The following ERC2 variants were observed in gnomAD, a reference collection of about 807,000 sequenced individuals.
The protein encoded by ERC2 is ERC protein 2.
In ERC2, 42 loss-of-function variants were observed where a neutral mutation model predicts 114.8. That is an observed-to-expected ratio of 0.37 (90% CI 0.29 to 0.47). The LOEUF (loss-of-function observed/expected upper bound fraction) is 0.47, where lower values mean the gene tolerates loss of function less well. Ranked by LOEUF, ERC2 falls within the 20% of genes least tolerant of loss-of-function variation. The pLI, the probability that ERC2 is intolerant of heterozygous loss-of-function variation, is 0.99. For missense variants in ERC2, 939 were observed against 1,150.7 expected (o/e 0.82, Z 2.66); for synonymous variants, 454 against 425.5 (o/e 1.07, Z -0.82).
intron 6 of ERC2, among the ~76,000 whole-genome samples, chr3:56,095,355 G>A (rs2078007969): frequency 1.3e-5 from 2 of 152,100 alleles, no homozygotes; most frequent in South Asian, 4.1e-4. Context: ...ACACCATAAA[G>A]TAAAAGACAG....
At chr3:55,566,364 A>G (rs1396273811) in intron 17 of ERC2, among the ~76,000 whole-genome samples, 1 of 152,210 alleles carries the variant, frequency 6.6e-6, no homozygotes, top group Non-Finnish European at 1.5e-5. Flanking sequence ...CCTGGTGCAA[A>G]GTAATTATTC....
intron 4 of ERC2, among the ~76,000 whole-genome samples, chr3:56,170,346 T>C (rs1387074212): frequency 1.3e-5 from 2 of 152,120 alleles, no homozygotes; most frequent in Non-Finnish European, 1.5e-5. Context: ...GAAAAACATA[T>C]TTTCACAACT....
intron 6 of ERC2, among the ~76,000 whole-genome samples, chr3:56,119,377 G>A (rs916516790): frequency 2.6e-5 from 4 of 152,122 alleles, no homozygotes; most frequent in African/African-American, 9.7e-5. Context: ...TATTTAATCT[G>A]GCTAAGTCAT....
At chr3:55,555,304 C>T (rs1450811916) in intron 17 of ERC2, among the ~76,000 whole-genome samples, 1 of 152,124 alleles carries the variant, frequency 6.6e-6, no homozygotes, top group East Asian at 1.9e-4. Context: ...GGTGGAGAAA[C>T]CCTATCGGCC....
rs181363918 is a variant in ERC2 at position 56,293,810 on chromosome 3, A to G, written c.1074+2209T>C. 8.5e-5 allele frequency among the ~76,000 whole-genome samples: 13 copies of G among 152,332 alleles called. No individual in the cohort carries two copies. The East Asian group carries it at 1.7e-3, about 20-fold the overall frequency. ...ACCAGACCATTGTGAGAACCAGCCA[A>G]TCTCAGAAAACCCAAGATGAATTGT... is the stretch of plus-strand genomic sequence containing the variant. On this transcript the variant is annotated intron_variant, in intron 3 of 17. Coordinates refer to ENST00000288221, the MANE Select transcript of ERC2 (RefSeq NM_015576.3).
intron 6 of ERC2, among the ~76,000 whole-genome samples, chr3:56,107,534 C>G (rs553454976): frequency 2.8e-4 from 43 of 152,120 alleles, no homozygotes; most frequent in Non-Finnish European, 3.1e-4. Context: ...ATGATGGGCT[C>G]TCAAAGACCC....
chr3:55,950,325 G>A, intron 13 of ERC2, 100 bp downstream of exon 13: 11 of 1,452,584 alleles, frequency 7.6e-6, no homozygotes, highest in Non-Finnish European at 1.0e-5. Context: ...CAAAGGCAAA[G>A]TCCACCATTT....
chr3:55,732,792 C>T (rs2065336347), intron 15 of ERC2, among the ~76,000 whole-genome samples: 1 of 152,220 alleles, frequency 6.6e-6, no homozygotes, highest in African/African-American at 2.4e-5. Flanking sequence ...TGGCCAAAGT[C>T]TGGAACCATT....
At chr3:56,212,900 C>A (rs2049168365) in intron 3 of ERC2, among the ~76,000 whole-genome samples, 1 of 152,076 alleles carries the variant, frequency 6.6e-6, no homozygotes, top group African/African-American at 2.4e-5. Flanking sequence ...GAACTGGAGA[C>A]CATTATTCTA....
chr3:56,022,844 C>A (rs1177365666), intron 7 of ERC2, among the ~76,000 whole-genome samples: 1 of 152,164 alleles, frequency 6.6e-6, no homozygotes, highest in African/African-American at 2.4e-5. Flanking sequence ...AAACCCTGCC[C>A]TTGCCTTTGA....
intron 3 of ERC2, among the ~76,000 whole-genome samples, chr3:56,274,681 T>C (rs1312337865): frequency 6.6e-6 from 1 of 152,206 alleles, no homozygotes; most frequent in East Asian, 1.9e-4. Context: ...TTATATATTA[T>C]TTAAATAAAT....
intron 14 of ERC2, among the ~76,000 whole-genome samples, chr3:55,854,386 TTTTGGTTTGGTTTGG>T (rs538567365): frequency 1.3e-5 from 2 of 152,088 alleles, no homozygotes; most frequent in African/African-American, 4.8e-5. Flanking sequence ...TTTGTTTTGG[TTTTGGTTTGGTTTGG>T]TTTGGTTTGG....
chr3:55,615,374 A>C (rs1032314838), intron 17 of ERC2, among the ~76,000 whole-genome samples: 1 of 152,256 alleles, frequency 6.6e-6, no homozygotes, highest in Admixed American at 6.5e-5. Flanking sequence ...TACAACTATT[A>C]GTAGATTCTT....
intron 2 of ERC2, among the ~76,000 whole-genome samples, chr3:56,312,878 A>G (rs2056659641): frequency 6.6e-6 from 1 of 150,794 alleles, no homozygotes; most frequent in Admixed American, 6.6e-5. Context: ...AAGGTTTTCC[A>G]TTTTATTAAT....
intron 15 of ERC2, among the ~76,000 whole-genome samples, chr3:55,722,173 C>T (rs1226931132): frequency 6.6e-6 from 1 of 151,996 alleles, no homozygotes; most frequent in East Asian, 1.9e-4. Flanking sequence ...CCAACGGGGT[C>T]ATGTCTCAGT....
intron 17 of ERC2, among the ~76,000 whole-genome samples, chr3:55,639,364 G>C (rs1458401207): frequency 6.6e-6 from 1 of 152,142 alleles, no homozygotes; most frequent in Non-Finnish European, 1.5e-5. Context: ...TGAACTGCAG[G>C]GGAGGAATAT....
chr3:55,733,542 T>TCACACACACACACACACACA (rs58311179), intron 15 of ERC2, among the ~76,000 whole-genome samples: 2 of 107,806 alleles, frequency 1.9e-5, no homozygotes, highest in African/African-American at 3.7e-5. Flanking sequence ...TCTCTCTCTC[T>TCACACACACACACACACACA]CACACACACA....
intron 3 of ERC2, among the ~76,000 whole-genome samples, chr3:56,255,761 C>T (rs975492355): frequency 1.3e-5 from 2 of 152,178 alleles, no homozygotes; most frequent in Non-Finnish European, 2.9e-5. Context: ...TCTTTCTTTC[C>T]TTTGGGTTGG....
At chr3:55,834,910 A>T (rs1450453655) in intron 14 of ERC2, among the ~76,000 whole-genome samples, 2 of 150,088 alleles carry the variant, frequency 1.3e-5, no homozygotes, top group African/African-American at 2.5e-5. Context: ...AAAAATGATC[A>T]AGGGGATATC....
Sources: allele counts gnomAD v4.1 joint callset (sites outside exome capture counted in the v4.1 genomes callset), GRCh38; gene constraint gnomAD v4.1.1; transcripts MANE v1.5; gene names NCBI Gene and HGNC (gene_info 2026-07-23, HGNC 2026-07-21).